Variants in TOP3A observed in about 807,000 individuals in gnomAD.
TOP3A encodes DNA topoisomerase 3-alpha.
A neutral mutation model predicts 111.3 loss-of-function variants in TOP3A; 64 were observed. The observed-to-expected ratio is 0.57, with a 90% CI of 0.47 to 0.71. TOP3A has a LOEUF of 0.71. TOP3A is among the 30% of genes least tolerant of loss of function. TOP3A has a pLI of 0.00. For synonymous variants in TOP3A, 484 were observed against 485.1 expected (o/e 1.00, Z 0.03); for missense variants, 1,104 against 1,285.0 (o/e 0.86, Z 2.15).
chr17:18,282,649 A>G lies in TOP3A; in HGVS notation c.2021+49T>C, dbSNP rs763728023. 3.0e-5 allele frequency: 49 copies of G among 1,608,772 alleles called. 1 individual carries two copies. In the East Asian group the frequency reaches 1.0e-3, roughly 34 times the overall value. On this transcript the variant is annotated intron_variant, in intron 16 of 18. Coordinates refer to ENST00000321105, the MANE Select transcript of TOP3A (RefSeq NM_004618.5). The stretch of plus-strand genomic sequence containing the variant: ...CAGGGTCTTTCGAGCTACGGCTGAC[A>G]CCGCAGGTGCTGGGGAGCAGAGGTG...
chr17:18,288,634 C>G (rs8081155), intron 13 of TOP3A, among the ~76,000 whole-genome samples: 33,474 of 151,988 alleles, frequency 0.22, 3,896 homozygotes, highest in East Asian at 0.31. Context: ...TGGCCACCCC[C>G]CTCCAATCCA....
At position 18,292,860 on chromosome 17, in the gene TOP3A, C is replaced by A; in HGVS notation, c.1074-8G>T. 1 of 1,599,624 alleles carries A rather than the reference C, an allele frequency of 6.3e-7. No homozygotes were observed. Among genetic ancestry groups the A allele is most frequent in the South Asian group, 1.1e-5 (1 of 89,672 alleles). The stretch of plus-strand genomic sequence containing the variant: ...CGGGGATAGCTGATGTACCTAAAAC[C>A]AAGGCAAACAAACAGAAAAAGAAAT... On this transcript the variant is annotated splice_polypyrimidine_tract_variant and splice_region_variant and intron_variant, in intron 10 of 18. Transcript: ENST00000321105.
chr17:18,290,146 CTCTA>C lies in TOP3A; in HGVS notation c.1597+407_1597+410del, dbSNP rs554197471. Among the ~76,000 whole-genome samples, 10 of 152,348 alleles carry C rather than the reference CTCTA, an allele frequency of 6.6e-5. No homozygotes were observed. The East Asian group carries it at 1.5e-3, about 23-fold the overall frequency. On this transcript the variant is annotated intron_variant, in intron 13 of 18. Transcript: ENST00000321105. The stretch of plus-strand genomic sequence containing the variant: ...CTCCACATGGGAAGGAGGCTCAGGG[CTCTA>C]TCTGACACTTCAAAATGAAGATAGA...
intron 13 of TOP3A, 96 bp from the exon 14 acceptor site, chr17:18,285,616 G>A (rs929131770): frequency 2.1e-6 from 2 of 953,086 alleles, no homozygotes; most frequent in African/African-American, 3.2e-5. Context: ...TCCCTCCTTT[G>A]CCTGGACAGC....
intron 4 of TOP3A, among the ~76,000 whole-genome samples, chr17:18,305,502 G>A (rs960443304): frequency 5.3e-5 from 8 of 151,720 alleles, no homozygotes; most frequent in East Asian, 1.9e-4. Context: ...GCGCGCGCGC[G>A]CGCACGCACA....
chr17:18,294,659 G>T, intron 10 of TOP3A, 44 bp downstream of exon 10: 1 of 1,421,284 alleles, frequency 7.0e-7, no homozygotes, highest in Non-Finnish European at 9.9e-7. Context: ...ATTTCATCCT[G>T]ATAAAGACGG....
At chr17:18,287,952 T>C (rs1597964916) in intron 13 of TOP3A, among the ~76,000 whole-genome samples, 1 of 151,012 alleles carries the variant, frequency 6.6e-6, no homozygotes, top group South Asian at 2.1e-4. Context: ...GAGCAGAGAT[T>C]GTGCCACTCC....
At chr17:18,299,061 A>T (rs1981053902) in intron 9 of TOP3A, among the ~76,000 whole-genome samples, 1 of 151,744 alleles carries the variant, frequency 6.6e-6, no homozygotes, top group South Asian at 2.1e-4. Context: ...TAAAAAAAAT[A>T]AAAATAAAAT....
chr17:18,291,944 C>G (rs1980500356), intron 11 of TOP3A, among the ~76,000 whole-genome samples: 1 of 152,176 alleles, frequency 6.6e-6, no homozygotes, highest in South Asian at 2.1e-4. Flanking sequence ...AATTTCCTGA[C>G]CTCGTGATCT....
intron 1 of TOP3A, 107 bp downstream of exon 1, chr17:18,314,492 A>G (rs1427715370): frequency 7.6e-7 from 1 of 1,321,390 alleles, no homozygotes; most frequent in African/African-American, 1.5e-5. Context: ...GTGAGGCCTG[A>G]GAAATGGGAG....
At chr17:18,299,432 T>C in intron 9 of TOP3A, 127 bp downstream of exon 9, 1 of 812,790 alleles carries the variant, frequency 1.2e-6, no homozygotes, top group Non-Finnish European at 2.1e-6. Flanking sequence ...CTTTCTCCAG[T>C]GTTTTCTTGT....
rs201230376 is a variant in TOP3A, at chr17:18,308,223, C to CAA, written c.314+126_314+127dup. 7.1e-4 allele frequency: 175 copies of CAA among 245,704 alleles called. 9 individuals are homozygous for CAA. Among genetic ancestry groups the CAA allele is most frequent in the East Asian group, 4.0e-3 (35 of 8,808 alleles). The allele number at this position is 245,704 out of a possible 1,614,324, so 15.2% of individuals were successfully genotyped here. A position where few individuals can be genotyped will look rare whatever the true frequency, so the allele number is the denominator to read the frequency against. On this transcript the variant is annotated intron_variant, in intron 3 of 18. Coordinates refer to ENST00000321105, the MANE Select transcript of TOP3A (RefSeq NM_004618.5). ...TCTCACTCTGAAACTTTGTCTCCAACAAAAAAAAAAAAAAAAAAAAAAAAA... is the reference window on the plus strand; with the variant it reads ...TCTCACTCTGAAACTTTGTCTCCAACAAAAAAAAAAAAAAAAAAAAAAAAAAA...
rs924643292 is a variant in TOP3A, at chr17:18,305,143, G to C, written c.468C>G (p.Ile156Met). The change falls in exon 5 of 19, where the codon ATC becomes ATG. Residue 156 changes from isoleucine (I) to methionine (M), a missense_variant. Coordinates refer to ENST00000321105, the MANE Select transcript of TOP3A (RefSeq NM_004618.5). ...TACACACGTGGATAATCTCAAACCC[G>C]ATGTTTTCGCCTTCTCTATCACAGT... is the stretch of plus-strand genomic sequence containing the variant. ...WTDCDREGEN[I>M]GFEIIHVCKA... The C allele has an allele frequency of 3.1e-6, 5 of 1,614,000 alleles. No individual in the cohort carries two copies. The highest frequency in any genetic ancestry group is 1.6e-4 in the Middle Eastern group (1 of 6,084).
At position 18,273,608 on chromosome 17, in the gene TOP3A, A is replaced by G. The variant is rs1159891547; in HGVS notation, c.*1194T>C. ...GACCCTCTGCACTCTCGCAGGTCAG[A>G]GTAAAAAAAGGTTGGATTCTTTCAT... On this transcript the variant is annotated 3_prime_UTR_variant, in exon 19 of 19. Coordinates refer to ENST00000321105, the MANE Select transcript of TOP3A (RefSeq NM_004618.5). Among the ~76,000 whole-genome samples the G allele has an allele frequency of 6.6e-6, 1 of 152,176 alleles. No individual in the cohort carries two copies. Among genetic ancestry groups the G allele is most frequent in the Non-Finnish European group, 1.5e-5 (1 of 68,032 alleles).
At position 18,282,786 on chromosome 17, in the gene TOP3A, C is replaced by G. The variant is rs1979844257; in HGVS notation, c.1933G>C (p.Glu645Gln). The G allele has an allele frequency of 6.2e-7, 1 of 1,614,226 alleles. No homozygotes were observed. The highest frequency in any genetic ancestry group is 8.5e-7 in the Non-Finnish European group (1 of 1,180,048). Reference protein sequence around the residue: ...FGNGTELAQQEDIYPAMPEPI... With the variant: ...FGNGTELAQQQDIYPAMPEPI... The stretch of plus-strand genomic sequence containing the variant: ...TCTGGCATGGCTGGGTAGATATCTT[C>G]TTGCTGGGCCAACTCTGTCCCATTC... Residue 645 changes from glutamate (E) to glutamine (Q), a missense_variant, in exon 16 of 19, where the codon GAA (glutamate) becomes CAA (glutamine). Transcript: ENST00000321105.
Position 18,314,743 on chromosome 17 carries a change from C to T in TOP3A, c.36G>A (p.Trp12Ter). ...IFPVARYALRWLRRPEDRAFS... is the reference protein window; with the variant it reads ...IFPVARYALR ...AGGCACGGTCTTCGGGCCGTCGCAG[C>T]CACCGGAGCGCGTAGCGGGCGACAG... The change falls in exon 1 of 19, where the codon TGG (tryptophan) becomes TGA (stop). Residue 12 changes from tryptophan to a stop codon, truncating the protein, a stop_gained. Coordinates refer to ENST00000321105, the MANE Select transcript of TOP3A (RefSeq NM_004618.5). LOFTEE classifies it high-confidence loss of function. 6.4e-7 allele frequency: 1 copy of T among 1,573,188 alleles called. No homozygotes were observed.
rs1187161012 is a variant in TOP3A at position 18,302,661 on chromosome 17, T to C, written c.562A>G (p.Thr188Ala). Residue 188 changes from threonine (T) to alanine (A), a missense_variant, in exon 6 of 19, where the codon ACA becomes GCA. Thr to Ala is a moderately conservative substitution (Grantham distance 58, BLOSUM62 0). Coordinates refer to ENST00000321105, the MANE Select transcript of TOP3A (RefSeq NM_004618.5). ...GGCTCGGTCAGGTTTTCACAAGCTG[T>C]CCTGACGGCATGGGGTGTGATCTCA... is the stretch of plus-strand genomic sequence containing the variant. ...FSEITPHAVR[T>A]ACENLTEPDQ... 1.2e-6 allele frequency: 2 copies of C among 1,614,158 alleles called. No individual in the cohort carries two copies. Among genetic ancestry groups the C allele is most frequent in the Admixed American group, 1.7e-5 (1 of 60,012 alleles).
chr17:18,292,276 G>A (rs1266776435), intron 11 of TOP3A, among the ~76,000 whole-genome samples: 1 of 152,218 alleles, frequency 6.6e-6, no homozygotes, highest in Non-Finnish European at 1.5e-5. Context: ...TGGCAGCAAA[G>A]TTTCAGGAGG....
At chr17:18,305,393 C>G in intron 4 of TOP3A, among the ~76,000 whole-genome samples, 173 bp from the exon 5 acceptor site, 1 of 152,106 alleles carries the variant, frequency 6.6e-6, no homozygotes, top group East Asian at 1.9e-4. Context: ...CATGATACAA[C>G]CCCTTAGAAC....
Sources: allele counts gnomAD v4.1 joint callset (sites outside exome capture counted in the v4.1 genomes callset), GRCh38; gene constraint gnomAD v4.1.1; transcripts MANE v1.5; gene names NCBI Gene and HGNC (gene_info 2026-07-23, HGNC 2026-07-21).